GLIS3: variants seen among roughly 807,000 people sequenced by gnomAD.
The protein encoded by GLIS3 is GLIS family zinc finger 3.
In GLIS3, 53 loss-of-function variants were observed where a neutral mutation model predicts 78.6. The observed-to-expected ratio is 0.67, with a 90% CI of 0.54 to 0.85. The LOEUF (loss-of-function observed/expected upper bound fraction) is 0.85, where lower values mean the gene tolerates loss of function less well. GLIS3 is among the 40% of genes least tolerant of loss of function. GLIS3 has a pLI of 0.00. For synonymous variants in GLIS3, 684 were observed against 509.9 expected (o/e 1.34, Z -4.60); for missense variants, 1,703 against 1,231.1 (o/e 1.38, Z -5.74).
At position 3,855,858 on chromosome 9, in the gene GLIS3, C is replaced by T. The variant is rs151073769; in HGVS notation, c.2473+151G>A. On this transcript the variant is annotated intron_variant, in intron 9 of 10. Coordinates refer to ENST00000381971, the MANE Select transcript of GLIS3 (RefSeq NM_001042413.2). The stretch of plus-strand genomic sequence containing the variant: ...CAGGAAAATACCATAGGATTTCATG[C>T]CTATCAAGTGTGAAATTTTAGAGGC... The T allele has an allele frequency of 4.4e-4, 360 of 814,976 alleles. 2 individuals carry two copies. In the African/African-American group the frequency reaches 5.2e-3, roughly 12 times the overall value. 50.5% of individuals were successfully genotyped at this position (814,976 alleles called of 1,614,324 possible).
At chr9:3,898,876 G>C (rs201490424) in intron 6 of GLIS3, 41 bp from the exon 7 acceptor site, 1 of 1,612,368 alleles carries the variant, frequency 6.2e-7, no homozygotes, top group Non-Finnish European at 8.5e-7. Flanking sequence ...AAGGAGAGCC[G>C]GTCCTTGGAA....
intron 4 of GLIS3, among the ~76,000 whole-genome samples, chr9:4,057,643 TGAA>T (rs1225816263): frequency 1.3e-5 from 2 of 150,680 alleles, no homozygotes; most frequent in African/African-American, 4.9e-5. Context: ...GAAAAAAAAT[TGAA>T]GAAGAAATAA....
At chr9:3,964,450 T>C (rs546794699) in intron 4 of GLIS3, among the ~76,000 whole-genome samples, 1 of 152,376 alleles carries the variant, frequency 6.6e-6, no homozygotes, top group Non-Finnish European at 1.5e-5. Context: ...AAGAGAATTC[T>C]ACCTATCTGA....
chr9:3,859,699 A>G (rs945359215), intron 8 of GLIS3, among the ~76,000 whole-genome samples: 1 of 152,178 alleles, frequency 6.6e-6, no homozygotes, highest in Non-Finnish European at 1.5e-5. Context: ...GCTGATCTGC[A>G]GTTGACACTT....
At chr9:4,136,513 G>A (rs957580476) in intron 2 of GLIS3, among the ~76,000 whole-genome samples, 3 of 152,158 alleles carry the variant, frequency 2.0e-5, no homozygotes, top group East Asian at 3.9e-4. Context: ...GTAAATGCAT[G>A]TGATAAATCT....
chr9:4,264,594 T>C (rs1825817964), intron 2 of GLIS3, among the ~76,000 whole-genome samples: 1 of 151,294 alleles, frequency 6.6e-6, no homozygotes, highest in East Asian at 1.9e-4. Context: ...ACTTGCTTTT[T>C]TTCTCTTCTG....
At chr9:3,837,750 C>G (rs1027286765) in intron 9 of GLIS3, among the ~76,000 whole-genome samples, 1 of 152,164 alleles carries the variant, frequency 6.6e-6, no homozygotes, top group Admixed American at 6.6e-5. Context: ...AGTATAAGTC[C>G]GTGGTTTCCA....
intron 8 of GLIS3, among the ~76,000 whole-genome samples, chr9:3,875,211 C>T (rs1821235132): frequency 6.6e-6 from 1 of 152,204 alleles, no homozygotes; most frequent in African/African-American, 2.4e-5. Flanking sequence ...TAGTAAAACA[C>T]CACTTCCCGT....
At chr9:4,223,999 C>G (rs538800916) in intron 2 of GLIS3, among the ~76,000 whole-genome samples, 1 of 151,386 alleles carries the variant, frequency 6.6e-6, no homozygotes, top group South Asian at 2.1e-4. Context: ...CAAAAAAGAT[C>G]CAGAAAAAAA....
chr9:4,352,518 A>AC (rs1314182983), upstream of GLIS3, among the ~76,000 whole-genome samples: 2 of 152,280 alleles, frequency 1.3e-5, no homozygotes, highest in African/African-American at 4.8e-5. Flanking sequence ...ATCAGAGAGC[A>AC]CAGAATGGAA....
At chr9:4,158,865 G>A (rs1835244291) in intron 2 of GLIS3, among the ~76,000 whole-genome samples, 1 of 152,082 alleles carries the variant, frequency 6.6e-6, no homozygotes, top group African/African-American at 2.4e-5. Context: ...ACTCTGAACT[G>A]AGTGGCAGAA....
At chr9:3,962,639 G>T (rs1817641699) in intron 4 of GLIS3, among the ~76,000 whole-genome samples, 1 of 152,020 alleles carries the variant, frequency 6.6e-6, no homozygotes. Context: ...TTTTTTGTTT[G>T]CTTTTTGTTT....
intron 2 of GLIS3, among the ~76,000 whole-genome samples, chr9:4,185,480 A>G (rs1817704076): frequency 6.6e-6 from 1 of 152,210 alleles, no homozygotes; most frequent in Non-Finnish European, 1.5e-5. Context: ...AAAAAGTGGT[A>G]GAATATCAAC....
rs532764960 is a variant in GLIS3 at position 4,189,237 on chromosome 9, C to G, written c.389-63296G>C. ...GTTTCAAAGAACATCTTTATTTCTG[C>G]CTTCATTTCATTATGCACCCAGTAG... On this transcript the variant is annotated intron_variant, in intron 2 of 10. Coordinates refer to ENST00000381971, the MANE Select transcript of GLIS3 (RefSeq NM_001042413.2). Among the ~76,000 whole-genome samples the G allele has an allele frequency of 4.4e-3, 672 of 152,064 alleles. 5 individuals are homozygous for G. Among genetic ancestry groups the G allele is most frequent in the African/African-American group, 0.016 (655 of 41,456 alleles).
chr9:4,257,661 C>A (rs1419208396), intron 2 of GLIS3, among the ~76,000 whole-genome samples: 5 of 151,884 alleles, frequency 3.3e-5, no homozygotes, highest in Non-Finnish European at 7.4e-5. Context: ...GCAAGCTCCG[C>A]CTCCCGGGTT....
the GLIS3 span, among the ~76,000 whole-genome samples, chr9:4,436,461 C>T: frequency 6.6e-6 from 1 of 152,086 alleles, no homozygotes; most frequent in South Asian, 2.1e-4. Flanking sequence ...ATCACTGCCA[C>T]CATGACCCCC....
intron 4 of GLIS3, among the ~76,000 whole-genome samples, chr9:4,102,621 T>C (rs1465663589): frequency 6.6e-6 from 1 of 152,002 alleles, no homozygotes; most frequent in African/African-American, 2.4e-5. Flanking sequence ...AAAAACCCAG[T>C]CCAAATGTCC....
intron 9 of GLIS3, chr9:3,855,442 T>C (rs1819713031): frequency 6.2e-6 from 1 of 161,510 alleles, no homozygotes; most frequent in African/African-American, 2.4e-5. Flanking sequence ...ACATTAATAG[T>C]GAAAGTATGT....
At chr9:3,930,941 A>C (rs1332167915) in intron 6 of GLIS3, among the ~76,000 whole-genome samples, 1 of 152,204 alleles carries the variant, frequency 6.6e-6, no homozygotes, top group Non-Finnish European at 1.5e-5. Context: ...ATAGCATGCA[A>C]AAAGGGTGTG....
Sources: allele counts gnomAD v4.1 joint callset (sites outside exome capture counted in the v4.1 genomes callset), GRCh38; gene constraint gnomAD v4.1.1; transcripts MANE v1.5; gene names NCBI Gene and HGNC (gene_info 2026-07-23, HGNC 2026-07-21).